PHF14: variants seen among roughly 807,000 people sequenced by gnomAD.
The protein encoded by PHF14 is PHD finger protein 14.
Under a neutral mutation model 117.9 loss-of-function variants are expected in PHF14, and 55 were observed. The ratio of observed to expected loss-of-function variants is 0.47; its 90% CI spans 0.38 to 0.58. The LOEUF (loss-of-function observed/expected upper bound fraction) is 0.58, where lower values mean the gene tolerates loss of function less well. Among genes scored for constraint, PHF14 ranks in the 20% least tolerant of loss-of-function variants. The pLI is 0.00. For synonymous variants in PHF14, 409 were observed against 368.6 expected (o/e 1.11, Z -1.26); for missense variants, 978 against 1,122.2 (o/e 0.87, Z 1.84).
intron 13 of PHF14, among the ~76,000 whole-genome samples, chr7:11,046,564 A>G (rs1037493442): frequency 5.3e-5 from 8 of 152,136 alleles, no homozygotes; most frequent in Non-Finnish European, 1.2e-4. Context: ...TCTTCCCATT[A>G]ACCGCTAGTA....
Position 11,144,801 on chromosome 7 carries a change from A to G in PHF14, c.2773-24615A>G, listed in dbSNP as rs146150689. On this transcript the variant is annotated intron_variant, in intron 17 of 17. Coordinates refer to ENST00000634607, the MANE Select transcript of PHF14 (RefSeq NM_001007157.2). ...AGGAAAATCTGAGATGTACTACAAC[A>G]TATATGAACCTTAAGAACATTTTGC... 2.6e-3 allele frequency among the ~76,000 whole-genome samples: 395 copies of G among 151,924 alleles called. 6 individuals are homozygous for G. The highest frequency in any genetic ancestry group is 4.1e-3 in the Non-Finnish European group (276 of 67,876).
At chr7:11,031,887 G>T (rs952406711) in intron 7 of PHF14, among the ~76,000 whole-genome samples, 2 of 152,154 alleles carry the variant, frequency 1.3e-5, no homozygotes, top group African/African-American at 4.8e-5. Flanking sequence ...CCATATGGTA[G>T]TTTCTTCTGT....
intron 4 of PHF14, among the ~76,000 whole-genome samples, chr7:10,998,703 C>T (rs1782750918): frequency 6.6e-6 from 1 of 152,150 alleles, no homozygotes; most frequent in South Asian, 2.1e-4. Context: ...ACATTGATCA[C>T]TGATGATCAC....
At chr7:11,068,182 C>G (rs1164624373) in intron 16 of PHF14, among the ~76,000 whole-genome samples, 1 of 151,788 alleles carries the variant, frequency 6.6e-6, no homozygotes, top group East Asian at 1.9e-4. Flanking sequence ...AACCCCGTCT[C>G]TACTAAAAAA....
In PHF14 at chr7:10,990,774, T is replaced by G; in HGVS notation, c.972T>G (p.Val324=). The stretch of plus-strand genomic sequence containing the variant: ...TGGACCATATTCTGATTTGCTGTGT[T>G]TGTCTGGGAGATAATAGTGAGGACG... The part of the protein sequence containing the change: ...QKMDHILICC[V]CLGDNSEDAD... Residue 324 remains valine, a synonymous_variant, in exon 4 of 18, where the codon GTT becomes GTG. Coordinates refer to ENST00000634607, the MANE Select transcript of PHF14 (RefSeq NM_001007157.2). 1 of 1,583,390 alleles carries G rather than the reference T, an allele frequency of 6.3e-7. No homozygotes were observed.
At chr7:11,005,372 A>G (rs553796601) in intron 4 of PHF14, among the ~76,000 whole-genome samples, 114 of 152,196 alleles carry the variant, frequency 7.5e-4, no homozygotes, top group African/African-American at 2.6e-3. Context: ...GTGAGCTCAT[A>G]TGTTATAATC....
intron 16 of PHF14, among the ~76,000 whole-genome samples, chr7:11,070,254 C>G (rs143526250): frequency 1.3e-5 from 2 of 152,070 alleles, no homozygotes; most frequent in Non-Finnish European, 2.9e-5. Context: ...ATTTTTTAAT[C>G]GTTTGTAGAA....
intron 5 of PHF14, among the ~76,000 whole-genome samples, chr7:11,014,711 C>T (rs1390672622): frequency 6.6e-6 from 1 of 152,136 alleles, no homozygotes; most frequent in Non-Finnish European, 1.5e-5. Context: ...GTGTTATGCT[C>T]ACTCTGAGAA....
intron 17 of PHF14, among the ~76,000 whole-genome samples, chr7:11,144,789 A>T (rs1337885210): frequency 1.3e-5 from 2 of 151,774 alleles, no homozygotes; most frequent in African/African-American, 4.8e-5. Flanking sequence ...AAAATCTGAG[A>T]TGTACTACAA....
chr7:11,111,121 GTTT>G, intron 16 of PHF14: 1 of 402,400 alleles, frequency 2.5e-6, no homozygotes, highest in East Asian at 4.2e-5. Flanking sequence ...CTAAATATTT[GTTT>G]TGTTTGTTGA....
chr7:11,040,642 A>T, intron 11 of PHF14, 30 bp from the exon 12 acceptor site: 1 of 1,196,208 alleles, frequency 8.4e-7, no homozygotes, highest in Non-Finnish European at 1.2e-6. Flanking sequence ...TTCTTAAAAC[A>T]ATATATACTA....
At chr7:11,154,328 C>A (rs1788784154) in intron 17 of PHF14, among the ~76,000 whole-genome samples, 1 of 151,980 alleles carries the variant, frequency 6.6e-6, no homozygotes, top group Admixed American at 6.6e-5. Context: ...ATGTAAACAT[C>A]ATTTCAAGGT....
At chr7:11,094,590 A>C (rs1786774857) in intron 16 of PHF14, among the ~76,000 whole-genome samples, 1 of 152,146 alleles carries the variant, frequency 6.6e-6, no homozygotes, top group South Asian at 2.1e-4. Context: ...GCATTAGAAC[A>C]TGGACTCTTT....
At chr7:11,118,438 T>C (rs557485302) in intron 17 of PHF14, among the ~76,000 whole-genome samples, 5 of 152,002 alleles carry the variant, frequency 3.3e-5, no homozygotes, top group Non-Finnish European at 7.4e-5. Context: ...TTTAATCCCT[T>C]AGTTTCTAAT....
intron 16 of PHF14, among the ~76,000 whole-genome samples, chr7:11,101,936 C>T (rs1177057467): frequency 6.6e-6 from 1 of 151,692 alleles, no homozygotes; most frequent in Non-Finnish European, 1.5e-5. Flanking sequence ...AAACATATTT[C>T]TAATATAGTC....
chr7:10,982,648 A>T lies in PHF14; in HGVS notation c.389A>T (p.Glu130Val), dbSNP rs546300002. The part of the protein sequence containing the change: ...EKEKEKEKEK[E>V]REKEKEKATV... ...GAAAAGGAAAAGGAGAAAGAGAAGGAAAGAGAGAAGGAAAAAGAAAAAGCA... is the reference window on the plus strand; with the variant it reads ...GAAAAGGAAAAGGAGAAAGAGAAGGTAAGAGAGAAGGAAAAAGAAAAAGCA... Residue 130 changes from glutamate (E) to valine (V), a missense_variant, in exon 3 of 18, where the codon GAA becomes GTA. Coordinates refer to ENST00000634607, the MANE Select transcript of PHF14 (RefSeq NM_001007157.2). 29 of 1,558,980 alleles carry T rather than the reference A, an allele frequency of 1.9e-5. No individual in the cohort carries two copies. In the East Asian group the frequency reaches 6.3e-4, roughly 34 times the overall value.
chr7:11,124,424 G>A (rs1439670617), intron 17 of PHF14, among the ~76,000 whole-genome samples: 1 of 151,980 alleles, frequency 6.6e-6, no homozygotes, highest in Admixed American at 6.6e-5. Context: ...TACTTTTAAT[G>A]TAATGACTAG....
intron 4 of PHF14, chr7:11,006,516 A>C: frequency 1.8e-6 from 1 of 566,158 alleles, no homozygotes; most frequent in Non-Finnish European, 3.4e-6. Context: ...GGCCACATCA[A>C]TGTCACAGAG....
At chr7:11,161,163 T>C (rs923744252) in intron 17 of PHF14, among the ~76,000 whole-genome samples, 1 of 152,156 alleles carries the variant, frequency 6.6e-6, no homozygotes, top group African/African-American at 2.4e-5. Flanking sequence ...ATTTATTGAA[T>C]GGAGATATTA....
Sources: gnomAD v4.1 joint callset for allele counts (sites outside exome capture counted in the v4.1 genomes callset) on GRCh38, gnomAD v4.1.1 for gene constraint, MANE v1.5 for transcripts, NCBI Gene and HGNC (gene_info 2026-07-23, HGNC 2026-07-21) for gene names.